Variants in CEP170 observed in about 807,000 individuals in gnomAD.
CEP170 encodes the protein centrosomal protein of 170 kDa.
CEP170 carries 21 observed loss-of-function variants against 151.9 expected under a neutral mutation model. The ratio of observed to expected loss-of-function variants is 0.14; its 90% CI spans 0.10 to 0.20. The LOEUF (loss-of-function observed/expected upper bound fraction) is 0.20. Ranked by LOEUF, CEP170 falls within the 10% of genes least tolerant of loss-of-function variation. The pLI, the probability that CEP170 is intolerant of heterozygous loss-of-function variation, is 1.00. For missense variants in CEP170, 964 were observed against 1,892.9 expected, an observed-to-expected ratio of 0.51 and a Z score of 9.11; for synonymous variants, 356 against 648.8, an observed-to-expected ratio of 0.55 and a Z score of 6.86.
chr1:243,154,423 T>C (rs1279338095), intron 14 of CEP170, among the ~76,000 whole-genome samples: 2 of 152,366 alleles, frequency 1.3e-5, no homozygotes, highest in Non-Finnish European at 1.5e-5. Context: ...ATCACTGCTC[T>C]ATAGAAACAT....
In CEP170 at chr1:243,189,657, G is replaced by C. The variant is rs560229496; in HGVS notation, c.1108+1361C>G. On this transcript the variant is annotated intron_variant, in intron 8 of 19. Transcript: ENST00000366542. ...GGTTTAATAAAGGTATTTTTAAAAT[G>C]ATTACCTTTTAAAAGGATATTTTAC... Among the ~76,000 whole-genome samples the C allele has an allele frequency of 3.3e-5, 5 of 151,552 alleles. No individual in the cohort carries two copies. In the South Asian group the frequency reaches 8.3e-4, roughly 25 times the overall value.
At chr1:243,205,098 G>A (rs1185180605) in intron 4 of CEP170, among the ~76,000 whole-genome samples, 19 of 152,146 alleles carry the variant, frequency 1.2e-4, no homozygotes, top group Admixed American at 1.2e-3. Context: ...ACAGAGCCTG[G>A]CAGACTCCCT....
intron 14 of CEP170, among the ~76,000 whole-genome samples, chr1:243,145,199 A>G (rs1298566821): frequency 6.6e-6 from 1 of 152,262 alleles, no homozygotes; most frequent in Non-Finnish European, 1.5e-5. Flanking sequence ...TTACAACTAT[A>G]GTAGAAACAA....
intron 3 of CEP170, among the ~76,000 whole-genome samples, chr1:243,216,266 T>C (rs2062278116): frequency 1.3e-5 from 2 of 152,308 alleles, no homozygotes; most frequent in South Asian, 4.1e-4. Context: ...GTTAGTTACA[T>C]ATGTATACAT....
intron 7 of CEP170, among the ~76,000 whole-genome samples, chr1:243,194,688 A>C (rs2060527595): frequency 6.6e-6 from 1 of 151,740 alleles, no homozygotes; most frequent in Non-Finnish European, 1.5e-5. Flanking sequence ...AAAATAAAAC[A>C]CCTTTCCTCC....
At chr1:243,130,019 C>T (rs1408652359) in intron 17 of CEP170, among the ~76,000 whole-genome samples, 1 of 152,052 alleles carries the variant, frequency 6.6e-6, no homozygotes, top group African/African-American at 2.4e-5. Flanking sequence ...TAGGAAAATA[C>T]ACAGTATATT....
intron 1 of CEP170, among the ~76,000 whole-genome samples, chr1:243,230,460 T>C (rs2063642347): frequency 2.0e-5 from 3 of 152,178 alleles, no homozygotes; most frequent in African/African-American, 7.2e-5. Flanking sequence ...AACTATCTAC[T>C]GTCTTAAATA....
chr1:243,253,532 C>G (rs1209496042), intron 1 of CEP170, among the ~76,000 whole-genome samples: 1 of 152,176 alleles, frequency 6.6e-6, no homozygotes, highest in Non-Finnish European at 1.5e-5. Flanking sequence ...TTAGGAAGAG[C>G]TAAAGGCAGC....
intron 1 of CEP170, among the ~76,000 whole-genome samples, chr1:243,227,914 G>C (rs1248576395): frequency 6.6e-6 from 1 of 152,192 alleles, no homozygotes; most frequent in Non-Finnish European, 1.5e-5. Flanking sequence ...ATAGACAGAT[G>C]TGAGTCTGAA....
In CEP170 at chr1:243,221,715, T is replaced by C. The variant is rs746928644; in HGVS notation, c.195+9A>G. The stretch of plus-strand genomic sequence containing the variant: ...TTCAAACAAGACAAAAAATAAACCA[T>C]TGACTTACCCCATTGAGGCTGCCCA... On this transcript the variant is annotated intron_variant, in intron 3 of 19. Coordinates refer to ENST00000366542, the MANE Select transcript of CEP170 (RefSeq NM_014812.3). 5 of 1,604,106 alleles carry C rather than the reference T, an allele frequency of 3.1e-6. No homozygotes were observed. Among genetic ancestry groups the C allele is most frequent in the Admixed American group, 3.5e-5 (2 of 57,518 alleles).
At chr1:243,186,152 G>A (rs771758416) in intron 9 of CEP170, 80 bp from the exon 10 acceptor site, 2 of 1,612,946 alleles carry the variant, frequency 1.2e-6, no homozygotes, top group Admixed American at 3.3e-5. Context: ...TGTTGAATAT[G>A]TAGTTTCCTG....
At chr1:243,220,255 A>G (rs184737028) in intron 3 of CEP170, among the ~76,000 whole-genome samples, 6 of 152,352 alleles carry the variant, frequency 3.9e-5, no homozygotes, top group African/African-American at 1.4e-4. Context: ...AAATTATTTG[A>G]AGAAAGACAT....
At chr1:243,204,818 C>T (rs893692092) in intron 4 of CEP170, among the ~76,000 whole-genome samples, 3 of 152,048 alleles carry the variant, frequency 2.0e-5, no homozygotes, top group Admixed American at 2.0e-4. Context: ...CTACTTCACC[C>T]CTGGATTCAA....
intron 10 of CEP170, among the ~76,000 whole-genome samples, chr1:243,174,706 T>C (rs1423433013): frequency 1.3e-5 from 2 of 152,350 alleles, no homozygotes; most frequent in Admixed American, 6.5e-5. Flanking sequence ...TTAAATCAAA[T>C]ATGAATTTTA....
chr1:243,167,735 G>C (rs1479772667), intron 12 of CEP170, among the ~76,000 whole-genome samples: 3 of 151,536 alleles, frequency 2.0e-5, no homozygotes, highest in Non-Finnish European at 4.4e-5. Flanking sequence ...ATACTGAACT[G>C]ATAGATTTAA....
intron 1 of CEP170, among the ~76,000 whole-genome samples, chr1:243,227,780 C>G (rs375702131): frequency 2.0e-5 from 3 of 152,110 alleles, no homozygotes; most frequent in Admixed American, 1.3e-4. Context: ...GATGTCATTA[C>G]GAAAAAGGTT....
chr1:243,213,741 G>T (rs532471886), intron 3 of CEP170, among the ~76,000 whole-genome samples: 2 of 152,086 alleles, frequency 1.3e-5, no homozygotes, highest in Non-Finnish European at 1.5e-5. Flanking sequence ...ACAGGGTCTC[G>T]CTCTGTCACC....
At chr1:243,184,358 C>CTA (rs1380360868) in intron 10 of CEP170, among the ~76,000 whole-genome samples, 2 of 152,000 alleles carry the variant, frequency 1.3e-5, no homozygotes, top group African/African-American at 2.4e-5. Context: ...CTCTCTCTCT[C>CTA]TCTCTATATA....
chr1:243,191,146 A>G lies in CEP170; in HGVS notation c.980T>C (p.Met327Thr), dbSNP rs750583623. 1.2e-6 allele frequency: 2 copies of G among 1,613,246 alleles called. No individual in the cohort carries two copies. Among genetic ancestry groups the G allele is most frequent in the East Asian group, 4.5e-5 (2 of 44,858 alleles). ...GTCAGCAACTTTGTTTTCGGGTGCC[A>G]TCATTCCTGTTTGAATCCCCAGCAA... Reference protein sequence around the residue: ...QDLLGIQTGMMAPENKVADWL... With the variant: ...QDLLGIQTGMTAPENKVADWL... Residue 327 changes from methionine to threonine, a missense_variant, in exon 8 of 20, where the codon ATG (methionine) becomes ACG (threonine). Coordinates refer to ENST00000366542, the MANE Select transcript of CEP170 (RefSeq NM_014812.3).
Sources: gnomAD v4.1 joint callset for allele counts (sites outside exome capture counted in the v4.1 genomes callset) on GRCh38, gnomAD v4.1.1 for gene constraint, MANE v1.5 for transcripts, NCBI Gene and HGNC (gene_info 2026-07-23, HGNC 2026-07-21) for gene names.